The following VSNL1 variants were observed in gnomAD, a reference collection of about 807,000 sequenced individuals.
The protein encoded by VSNL1 is visinin like 1.
In VSNL1, 6 loss-of-function variants were observed where a neutral mutation model predicts 20.4. The ratio of observed to expected loss-of-function variants is 0.29; its 90% CI spans 0.16 to 0.58. VSNL1 has a LOEUF of 0.58. Among genes scored for constraint, VSNL1 ranks in the 20% least tolerant of loss-of-function variants. The probability of loss-of-function intolerance (pLI) is 0.90; values close to 1 mark genes in which losing one functional copy is unlikely to be tolerated. For missense variants in VSNL1, 100 were observed against 234.5 expected, an observed-to-expected ratio of 0.43 and a Z score of 3.75; for synonymous variants, 93 against 86.4, an observed-to-expected ratio of 1.08 and a Z score of -0.42.
intron 3 of VSNL1, among the ~76,000 whole-genome samples, chr2:17,653,893 C>G (rs1666171596): frequency 6.6e-6 from 1 of 152,216 alleles, no homozygotes; most frequent in Non-Finnish European, 1.5e-5. Context: ...CCCGCTCCCA[C>G]CCCAGGCTCA....
At chr2:17,589,984 C>CTGGTGG (rs1664562946) in intron 1 of VSNL1, among the ~76,000 whole-genome samples, 1 of 152,178 alleles carries the variant, frequency 6.6e-6, no homozygotes, top group Admixed American at 6.5e-5. Context: ...CTTTCATCCA[C>CTGGTGG]CAGTCTATGA....
At chr2:17,622,784 G>A (rs1224565782) in intron 2 of VSNL1, among the ~76,000 whole-genome samples, 1 of 152,156 alleles carries the variant, frequency 6.6e-6, no homozygotes, top group African/African-American at 2.4e-5. Flanking sequence ...AAAGCAACAG[G>A]GGGCCTTGCC....
At chr2:17,557,648 A>T (rs778173278) in intron 1 of VSNL1, among the ~76,000 whole-genome samples, 6 of 152,192 alleles carry the variant, frequency 3.9e-5, no homozygotes, top group Non-Finnish European at 8.8e-5. Context: ...GGCCTGACAA[A>T]GGAGGCTTAT....
At chr2:17,544,214 T>A (rs1663358631) in intron 1 of VSNL1, among the ~76,000 whole-genome samples, 1 of 152,140 alleles carries the variant, frequency 6.6e-6, no homozygotes, top group African/African-American at 2.4e-5. Context: ...CTTTACCAAT[T>A]AACAATTTAA....
chr2:17,641,874 G>C (rs1241964332), intron 2 of VSNL1, among the ~76,000 whole-genome samples: 4 of 152,186 alleles, frequency 2.6e-5, no homozygotes, highest in African/African-American at 9.7e-5. Context: ...TTCGAAGTTT[G>C]ATCCTGTAAT....
chr2:17,589,135 A>G (rs1453615070), intron 1 of VSNL1, among the ~76,000 whole-genome samples: 1 of 152,174 alleles, frequency 6.6e-6, no homozygotes, highest in African/African-American at 2.4e-5. Context: ...TATTTAAAGA[A>G]GGGGAAGAAG....
chr2:17,586,854 A>ATATC (rs1355483926), intron 1 of VSNL1, among the ~76,000 whole-genome samples: 38 of 152,312 alleles, frequency 2.5e-4, no homozygotes, highest in Non-Finnish European at 5.1e-4. Context: ...TAAGGTTTAG[A>ATATC]TAGATGGAGG....
chr2:17,621,225 C>CTCTT (rs574958848), intron 2 of VSNL1, among the ~76,000 whole-genome samples: 1 of 151,738 alleles, frequency 6.6e-6, no homozygotes, highest in Admixed American at 6.6e-5. Context: ...CTTTCTCTCT[C>CTCTT]TCTTTCTTTC....
chr2:17,561,515 G>A (rs916127063), intron 1 of VSNL1, among the ~76,000 whole-genome samples: 19 of 152,154 alleles, frequency 1.2e-4, no homozygotes, highest in Non-Finnish European at 2.5e-4. Context: ...GCAGTATTAA[G>A]CAATTTTACT....
intron 2 of VSNL1, among the ~76,000 whole-genome samples, chr2:17,594,903 A>G (rs1299089717): frequency 6.6e-6 from 1 of 152,240 alleles, no homozygotes; most frequent in Non-Finnish European, 1.5e-5. Flanking sequence ...TTTTAAAAGC[A>G]TTTAAAACTG....
intron 2 of VSNL1, among the ~76,000 whole-genome samples, chr2:17,605,590 TC>T (rs1002441617): frequency 1.3e-5 from 2 of 152,114 alleles, no homozygotes; most frequent in African/African-American, 4.8e-5. Flanking sequence ...AATACAATTT[TC>T]CCTCAACAAA....
At chr2:17,595,720 G>A (rs557392964) in intron 2 of VSNL1, among the ~76,000 whole-genome samples, 3 of 139,438 alleles carry the variant, frequency 2.2e-5, no homozygotes, top group African/African-American at 4.9e-5. Flanking sequence ...CCAGTGTGAC[G>A]TGTCTTTAGG....
intron 2 of VSNL1, among the ~76,000 whole-genome samples, chr2:17,647,671 C>G (rs1292545108): frequency 6.6e-6 from 1 of 152,200 alleles, no homozygotes; most frequent in Non-Finnish European, 1.5e-5. Flanking sequence ...GTCCTTCCCT[C>G]TACAACTCCC....
At chr2:17,598,368 T>C (rs1664755043) in intron 2 of VSNL1, among the ~76,000 whole-genome samples, 1 of 152,236 alleles carries the variant, frequency 6.6e-6, no homozygotes, top group Admixed American at 6.5e-5. Context: ...GTTCAGCATC[T>C]GTGCAAATGA....
chr2:17,621,587 G>C (rs993284230), intron 2 of VSNL1, among the ~76,000 whole-genome samples: 4 of 152,118 alleles, frequency 2.6e-5, no homozygotes, highest in Non-Finnish European at 5.9e-5. Flanking sequence ...GCTTCCTAAA[G>C]TGCTGGGATT....
intron 1 of VSNL1, among the ~76,000 whole-genome samples, chr2:17,547,986 A>G (rs1432997444): frequency 6.6e-6 from 1 of 151,992 alleles, no homozygotes. Flanking sequence ...CTATCTTTTA[A>G]TACTTTCCCA....
At chr2:17,595,844 A>G (rs1006377669) in intron 2 of VSNL1, among the ~76,000 whole-genome samples, 2 of 152,232 alleles carry the variant, frequency 1.3e-5, no homozygotes, top group African/African-American at 4.8e-5. Flanking sequence ...GTAATCCTAT[A>G]AAGTGCATTC....
chr2:17,617,741 G>A (rs759378773), intron 2 of VSNL1, among the ~76,000 whole-genome samples: 1 of 152,162 alleles, frequency 6.6e-6, no homozygotes, highest in East Asian at 1.9e-4. Context: ...AGTAAGGGAT[G>A]CTGTCTCCAT....
intron 2 of VSNL1, among the ~76,000 whole-genome samples, chr2:17,632,548 C>A (rs564684647): frequency 6.6e-6 from 1 of 152,276 alleles, no homozygotes; most frequent in South Asian, 2.1e-4. Context: ...ATCTGCCCAC[C>A]TTGGCCTCCA....
Sources: gnomAD v4.1 joint callset for allele counts (sites outside exome capture counted in the v4.1 genomes callset) on GRCh38, gnomAD v4.1.1 for gene constraint, MANE v1.5 for transcripts, NCBI Gene and HGNC (gene_info 2026-07-23, HGNC 2026-07-21) for gene names.